The following MME variants were observed in gnomAD, a reference collection of about 807,000 sequenced individuals.
The protein encoded by MME is neprilysin.
MME carries 98 observed loss-of-function variants against 113.2 expected under a neutral mutation model. The observed-to-expected ratio is 0.87, with a 90% CI of 0.74 to 1.02. MME has a LOEUF of 1.02. MME is among the 50% of genes least tolerant of loss of function. MME has a pLI of 0.00. For missense variants in MME, 836 were observed against 896.0 expected (o/e 0.93, Z 0.86); for synonymous variants, 292 against 300.6 (o/e 0.97, Z 0.30).
chr3:155,054,833 CAAACA>C (rs1405052376), intron 1 of MME, among the ~76,000 whole-genome samples: 1 of 152,086 alleles, frequency 6.6e-6, no homozygotes, highest in African/African-American at 2.4e-5. Flanking sequence ...CCAAAACAAG[CAAACA>C]AAACAAAACA....
intron 1 of MME, among the ~76,000 whole-genome samples, chr3:155,056,117 C>T (rs1340391823): frequency 6.6e-6 from 1 of 152,174 alleles, no homozygotes; most frequent in Non-Finnish European, 1.5e-5. Flanking sequence ...ACCTGCAGCA[C>T]TCCAAATGCC....
At chr3:155,167,238 A>G (rs1053938940) in intron 18 of MME, among the ~76,000 whole-genome samples, 10 of 152,300 alleles carry the variant, frequency 6.6e-5, no homozygotes, top group South Asian at 2.1e-4. Context: ...CTCTGGCAGA[A>G]TGAAGTAAAT....
chr3:155,133,062 A>ATATATATATATATATATATATAT (rs376436889), intron 8 of MME, among the ~76,000 whole-genome samples: 7 of 75,076 alleles, frequency 9.3e-5, no homozygotes, highest in African/African-American at 3.3e-4. Context: ...AAAAAAAAAA[A>ATATATATATATATATATATATAT]ATATATATAT....
intron 3 of MME, among the ~76,000 whole-genome samples, chr3:155,106,104 G>A (rs1350160573): frequency 6.6e-6 from 1 of 152,104 alleles, no homozygotes; most frequent in Admixed American, 6.5e-5. Context: ...GCAAAAATAG[G>A]TCTCCTTACT....
chr3:155,067,896 T>C (rs77686318), intron 1 of MME, among the ~76,000 whole-genome samples: 6,972 of 152,232 alleles, frequency 0.046, 175 homozygotes, highest in African/African-American at 0.06. Flanking sequence ...TAAACATTAC[T>C]GCCACAGGAT....
At position 155,116,196 on chromosome 3, in the gene MME, TAA is replaced by T. The variant is rs11296151; in HGVS notation, c.359-270_359-269del. ...GCAGAGCCGTATGCATCACTGTTCATAAAAAAAAAAAAAAGATAATCTAGTCA... is the reference window on the plus strand; with the variant it reads ...GCAGAGCCGTATGCATCACTGTTCATAAAAAAAAAAAAGATAATCTAGTCA... On this transcript the variant is annotated intron_variant, in intron 4 of 22. Coordinates refer to ENST00000360490, the MANE Select transcript of MME (RefSeq NM_007289.4). 2.0e-3 allele frequency among the ~76,000 whole-genome samples: 286 copies of T among 145,232 alleles called. 2 individuals carry two copies. The highest frequency in any genetic ancestry group is 4.2e-3 in the African/African-American group (168 of 39,670).
At chr3:155,062,754 C>CT (rs1714190051) in intron 1 of MME, among the ~76,000 whole-genome samples, 1 of 151,790 alleles carries the variant, frequency 6.6e-6, no homozygotes, top group Non-Finnish European at 1.5e-5. Flanking sequence ...CAAATGGAAA[C>CT]TTTAAAAAGG....
At chr3:155,139,996 A>G (rs970228042) in intron 9 of MME, among the ~76,000 whole-genome samples, 195 bp from the exon 10 acceptor site, 1 of 152,202 alleles carries the variant, frequency 6.6e-6, no homozygotes, top group Non-Finnish European at 1.5e-5. Flanking sequence ...CCAAATCTCA[A>G]TAATTCTTAC....
intron 3 of MME, among the ~76,000 whole-genome samples, chr3:155,095,639 C>T (rs1485142234): frequency 6.6e-6 from 1 of 152,090 alleles, no homozygotes; most frequent in African/African-American, 2.4e-5. Flanking sequence ...CTCAGCCTCC[C>T]AAGCAGCTAG....
intron 8 of MME, among the ~76,000 whole-genome samples, chr3:155,137,049 A>G (rs1289129001): frequency 6.6e-6 from 1 of 152,218 alleles, no homozygotes; most frequent in East Asian, 1.9e-4. Flanking sequence ...GCCACTGTGA[A>G]CTTGAATGAG....
rs1715481388 is a variant in MME at position 155,084,499 on chromosome 3, T to C, written c.160+172T>C. 8 of 693,150 alleles carry C rather than the reference T, an allele frequency of 1.2e-5. No individual in the cohort carries two copies. The South Asian group carries it at 1.4e-4, about 12-fold the overall frequency. The allele number at this position is 693,150 out of a possible 1,614,324, so 42.9% of individuals were successfully genotyped here. A position where few individuals can be genotyped will look rare whatever the true frequency, so the allele number is the denominator to read the frequency against. On this transcript the variant is annotated intron_variant, in intron 2 of 22. Coordinates refer to ENST00000360490, the MANE Select transcript of MME (RefSeq NM_007289.4). ...TATGTCAAAATAATTAACTTTGAAG[T>C]ACGGTGCCTTTTATGTTTGAGCTAA...
chr3:155,173,908 C>T (rs1342111870), intron 22 of MME, among the ~76,000 whole-genome samples: 2 of 151,920 alleles, frequency 1.3e-5, no homozygotes, highest in Non-Finnish European at 2.9e-5. Flanking sequence ...ACCTCTGTAC[C>T]TCAGTTTCTT....
intron 1 of MME, among the ~76,000 whole-genome samples, chr3:155,031,063 G>T (rs1158778378): frequency 6.6e-6 from 1 of 152,164 alleles, no homozygotes; most frequent in Non-Finnish European, 1.5e-5. Context: ...TCCTACAGGG[G>T]ATCCAAAGAG....
intron 22 of MME, among the ~76,000 whole-genome samples, chr3:155,180,030 T>C (rs1253478694): frequency 3.3e-5 from 5 of 152,236 alleles, no homozygotes; most frequent in Non-Finnish European, 7.3e-5. Flanking sequence ...TACAAACACA[T>C]ATAATGCTTA....
intron 1 of MME, among the ~76,000 whole-genome samples, chr3:155,063,199 A>C (rs1250126643): frequency 8.4e-6 from 1 of 119,088 alleles, no homozygotes; most frequent in Non-Finnish European, 1.7e-5. Flanking sequence ...TATATTATTT[A>C]TATATTATAT....
intron 1 of MME, among the ~76,000 whole-genome samples, chr3:155,057,678 C>T (rs1394417922): frequency 1.5e-4 from 22 of 150,128 alleles, no homozygotes; most frequent in Admixed American, 1.5e-3. Flanking sequence ...TGACCAGACA[C>T]TTCTGGCATT....
chr3:155,145,723 G>GA (rs1339438388), intron 14 of MME, among the ~76,000 whole-genome samples: 2 of 152,096 alleles, frequency 1.3e-5, no homozygotes, highest in Non-Finnish European at 2.9e-5. Flanking sequence ...ATGTTTTTGC[G>GA]ACAGCATTTA....
intron 3 of MME, among the ~76,000 whole-genome samples, chr3:155,098,474 T>C (rs1716927852): frequency 6.6e-6 from 1 of 151,746 alleles, no homozygotes; most frequent in African/African-American, 2.4e-5. Flanking sequence ...GAGTATCACT[T>C]GAACCCAGGA....
chr3:155,024,604 T>C (rs1257007261), intron 1 of MME, among the ~76,000 whole-genome samples: 1 of 152,184 alleles, frequency 6.6e-6, no homozygotes, highest in Non-Finnish European at 1.5e-5. Flanking sequence ...ACTTTATATA[T>C]TGATATCATT....
Sources: allele counts gnomAD v4.1 joint callset (sites outside exome capture counted in the v4.1 genomes callset), GRCh38; gene constraint gnomAD v4.1.1; transcripts MANE v1.5; gene names NCBI Gene and HGNC (gene_info 2026-07-23, HGNC 2026-07-21).